The following CTNNA2 variants were observed in gnomAD, a reference collection of about 807,000 sequenced individuals.
CTNNA2 encodes the protein catenin alpha-2.
Under a neutral mutation model 101.0 loss-of-function variants are expected in CTNNA2, and 42 were observed. That is an observed-to-expected ratio of 0.42 (90% confidence interval 0.32 to 0.54). The LOEUF is 0.54. Ranked by LOEUF, CTNNA2 falls within the 20% of genes least tolerant of loss-of-function variation. The pLI, the probability that CTNNA2 is intolerant of heterozygous loss-of-function variation, is 0.14. For missense variants in CTNNA2, 871 were observed against 1,223.1 expected, an observed-to-expected ratio of 0.71 and a Z score of 4.29; for synonymous variants, 450 against 456.4, an observed-to-expected ratio of 0.99 and a Z score of 0.18.
intron 3 of CTNNA2, among the ~76,000 whole-genome samples, chr2:79,344,262 T>A (rs1254597747): frequency 2.0e-5 from 3 of 152,244 alleles, no homozygotes; most frequent in African/African-American, 7.2e-5. Flanking sequence ...AGCCAGGGAA[T>A]GATGCTTCTG....
chr2:79,597,093 C>A (rs536257770), intron 1 of CTNNA2, among the ~76,000 whole-genome samples: 11 of 152,192 alleles, frequency 7.2e-5, no homozygotes, highest in Non-Finnish European at 1.6e-4. Flanking sequence ...TAAATATTCA[C>A]AAAATAAACT....
At chr2:79,413,255 A>G (rs987590903) in intron 4 of CTNNA2, among the ~76,000 whole-genome samples, 1 of 152,006 alleles carries the variant, frequency 6.6e-6, no homozygotes, top group African/African-American at 2.4e-5. Flanking sequence ...CTTACTCTCT[A>G]CTTTTATGAG....
chr2:79,462,781 G>A (rs1209412112), intron 4 of CTNNA2, among the ~76,000 whole-genome samples: 1 of 152,194 alleles, frequency 6.6e-6, no homozygotes, highest in Admixed American at 6.5e-5. Flanking sequence ...TTCTGTGCCA[G>A]GTGCTGACTC....
intron 1 of CTNNA2, among the ~76,000 whole-genome samples, chr2:79,616,590 T>C (rs1678636419): frequency 6.6e-6 from 1 of 152,210 alleles, no homozygotes; most frequent in South Asian, 2.1e-4. Context: ...CCCTCGTCTT[T>C]CATCCATCCA....
intron 9 of CTNNA2, among the ~76,000 whole-genome samples, chr2:80,473,280 T>A (rs1572977011): frequency 6.6e-6 from 1 of 151,982 alleles, no homozygotes. Context: ...GCTACAGGGG[T>A]CAGGCTATGG....
rs74444527 is a variant in CTNNA2, at chr2:79,977,703, G to A, written c.1056+67906G>A. Among the ~76,000 whole-genome samples the A allele has an allele frequency of 3.7e-3, 564 of 152,018 alleles. 4 individuals carry two copies. The East Asian group carries it at 0.05, about 14-fold the overall frequency. On this transcript the variant is annotated intron_variant, in intron 7 of 18. Coordinates refer to ENST00000402739, the MANE Select transcript of CTNNA2 (RefSeq NM_001282597.3). Reference sequence around the variant, plus strand: ...CTCTGTTGGAAACCTAAAATATAACGCTTTTTAAAAAATCTTAAAAATACT... The same window carrying A: ...CTCTGTTGGAAACCTAAAATATAACACTTTTTAAAAAATCTTAAAAATACT...
intron 12 of CTNNA2, among the ~76,000 whole-genome samples, chr2:80,568,935 A>T (rs1694311149): frequency 6.6e-6 from 1 of 152,128 alleles, no homozygotes; most frequent in South Asian, 2.1e-4. Flanking sequence ...TTTCTTGATA[A>T]AGAGGTTTTA....
At chr2:79,996,967 C>A (rs1574498822) in intron 7 of CTNNA2, among the ~76,000 whole-genome samples, 1 of 152,028 alleles carries the variant, frequency 6.6e-6, no homozygotes, top group East Asian at 1.9e-4. Flanking sequence ...TGGAACTGTG[C>A]CCTAGCGGAT....
intron 12 of CTNNA2, among the ~76,000 whole-genome samples, chr2:80,561,966 G>A (rs1385409952): frequency 2.6e-5 from 4 of 151,194 alleles, no homozygotes; most frequent in Admixed American, 1.3e-4. Context: ...ATGAGCCACC[G>A]CGCCTGGCCA....
At chr2:80,335,551 T>A (rs2149269681) in intron 7 of CTNNA2, among the ~76,000 whole-genome samples, 1 of 150,464 alleles carries the variant, frequency 6.6e-6, no homozygotes, top group East Asian at 2.0e-4. Context: ...GCAGTCTAAT[T>A]GTTTTTTCTC....
intron 7 of CTNNA2, among the ~76,000 whole-genome samples, chr2:80,382,117 G>A (rs949300512): frequency 6.6e-6 from 1 of 152,114 alleles, no homozygotes; most frequent in Admixed American, 6.5e-5. Flanking sequence ...AAGTCGCAGC[G>A]AGCCACCAAT....
chr2:80,164,066 G>C (rs1342605516), intron 7 of CTNNA2, among the ~76,000 whole-genome samples: 1 of 151,222 alleles, frequency 6.6e-6, no homozygotes, highest in Admixed American at 6.6e-5. Context: ...TTTTCTTATA[G>C]AGAGCATATA....
intron 3 of CTNNA2, among the ~76,000 whole-genome samples, chr2:79,852,324 A>G (rs1680784076): frequency 6.6e-6 from 1 of 152,160 alleles, no homozygotes; most frequent in Admixed American, 6.5e-5. Context: ...AGGAGCACAT[A>G]TTTATTTTAT....
chr2:80,143,390 T>C (rs573828592), intron 7 of CTNNA2, among the ~76,000 whole-genome samples: 187 of 152,352 alleles, frequency 1.2e-3, no homozygotes, highest in African/African-American at 4.0e-3. Context: ...CAAATCGAGC[T>C]AGTCAATGTA....
chr2:80,352,326 G>T (rs770007429), intron 7 of CTNNA2, among the ~76,000 whole-genome samples: 12 of 152,144 alleles, frequency 7.9e-5, no homozygotes, highest in Non-Finnish European at 1.8e-4. Flanking sequence ...CTATAAAGGA[G>T]CCATTTTTTT....
intron 7 of CTNNA2, among the ~76,000 whole-genome samples, chr2:80,266,607 G>A (rs1030519448): frequency 6.6e-6 from 1 of 152,226 alleles, no homozygotes; most frequent in Non-Finnish European, 1.5e-5. Context: ...CTGACAGCAA[G>A]CTCCTCCTTG....
intron 7 of CTNNA2, among the ~76,000 whole-genome samples, chr2:80,355,674 G>C (rs74491416): frequency 0.029 from 4,381 of 152,234 alleles, 108 homozygotes; most frequent in African/African-American, 0.065. Context: ...TTTAGGGAAA[G>C]ACCATTTCTC....
At chr2:79,448,871 T>C (rs1296680299) in intron 4 of CTNNA2, among the ~76,000 whole-genome samples, 1 of 152,044 alleles carries the variant, frequency 6.6e-6, no homozygotes, top group East Asian at 1.9e-4. Flanking sequence ...TGTCTACGTT[T>C]TGAAAATTGT....
chr2:80,117,166 T>C (rs548415104), intron 7 of CTNNA2, among the ~76,000 whole-genome samples: 1 of 152,238 alleles, frequency 6.6e-6, no homozygotes, highest in South Asian at 2.1e-4. Flanking sequence ...AAGAAATATC[T>C]TTATGTTGGA....
Sources: gnomAD v4.1 joint callset for allele counts (sites outside exome capture counted in the v4.1 genomes callset) on GRCh38, gnomAD v4.1.1 for gene constraint, MANE v1.5 for transcripts, NCBI Gene and HGNC (gene_info 2026-07-23, HGNC 2026-07-21) for gene names.